The following TYW1 variants were observed in gnomAD, a reference collection of about 807,000 sequenced individuals.
TYW1 encodes the protein tRNA-yW synthesizing protein 1 homolog, also known as S-adenosyl-L-methionine-dependent tRNA 4-demethylwyosine synthase TYW1.
TYW1 carries 46 observed loss-of-function variants against 96.2 expected under a neutral mutation model. The ratio of observed to expected loss-of-function variants is 0.48; its 90% CI spans 0.38 to 0.61. TYW1 has a LOEUF of 0.61. Among genes scored for constraint, TYW1 ranks in the 20% least tolerant of loss-of-function variants. The pLI is 0.00. For synonymous variants in TYW1, 274 were observed against 323.0 expected (o/e 0.85, Z 1.63); for missense variants, 684 against 909.6 (o/e 0.75, Z 3.19).
At chr7:67,210,430 T>G (rs1800961338) in intron 15 of TYW1, among the ~76,000 whole-genome samples, 1 of 152,164 alleles carries the variant, frequency 6.6e-6, no homozygotes. Context: ...CACTGTCAAA[T>G]TACTGCATCT....
At chr7:67,097,435 G>A (rs536818913) in intron 11 of TYW1, among the ~76,000 whole-genome samples, 44 of 152,322 alleles carry the variant, frequency 2.9e-4, no homozygotes, top group African/African-American at 9.4e-4. Context: ...GTCTCACTCT[G>A]TTGCCCAGGC....
In TYW1 at chr7:67,211,186, G is replaced by A. The variant is rs974470542; in HGVS notation, c.1977+15849G>A. ...TGTGTGTGTGTGTGTGTGTGTGTGT[G>A]TGTGTTTTGAGCACTTTCTTTCTGG... On this transcript the variant is annotated intron_variant, in intron 15 of 15. Coordinates refer to ENST00000359626, the MANE Select transcript of TYW1 (RefSeq NM_018264.4). Among the ~76,000 whole-genome samples, 817 of 125,292 alleles carry A rather than the reference G, an allele frequency of 6.5e-3. 14 individuals are homozygous for A. The highest frequency in any genetic ancestry group is 0.024 in the African/African-American group (782 of 33,236). The allele number at this position is 125,292 out of a possible 152,430, so 82.2% of individuals were successfully genotyped here.
chr7:67,019,814 A>G (rs1399138879), intron 6 of TYW1, among the ~76,000 whole-genome samples: 1 of 152,290 alleles, frequency 6.6e-6, no homozygotes, highest in African/African-American at 2.4e-5. Context: ...ATTGCTTTAT[A>G]GCGATAATAT....
intron 15 of TYW1, among the ~76,000 whole-genome samples, chr7:67,220,068 G>A (rs1801334950): frequency 6.7e-6 from 1 of 149,976 alleles, no homozygotes; most frequent in African/African-American, 2.5e-5. Flanking sequence ...ATATGTGGTG[G>A]TTTCATTTTC....
chr7:67,237,947 T>G (rs899573875), intron 15 of TYW1, among the ~76,000 whole-genome samples: 3 of 152,014 alleles, frequency 2.0e-5, no homozygotes, highest in African/African-American at 7.3e-5. Context: ...CCTTGAAAAT[T>G]TGTAACCGAT....
chr7:67,011,975 A>C (rs1265520482), intron 4 of TYW1, among the ~76,000 whole-genome samples: 1 of 152,030 alleles, frequency 6.6e-6, no homozygotes. Flanking sequence ...GCAGCTACTC[A>C]GTTTTGCCAC....
intron 10 of TYW1, among the ~76,000 whole-genome samples, chr7:67,073,942 C>T (rs1414465805): frequency 6.7e-6 from 1 of 150,286 alleles, no homozygotes; most frequent in African/African-American, 2.4e-5. Flanking sequence ...ATTAGCCGGG[C>T]GTGGTGGCGG....
chr7:67,185,437 G>A (rs1457601146), intron 14 of TYW1, among the ~76,000 whole-genome samples: 2 of 151,998 alleles, frequency 1.3e-5, no homozygotes, highest in South Asian at 2.1e-4. Context: ...CCGGAGAGCC[G>A]TGGGTACATT....
intron 7 of TYW1, among the ~76,000 whole-genome samples, chr7:67,030,807 T>G (rs1261313495): frequency 6.6e-6 from 1 of 151,902 alleles, no homozygotes; most frequent in Non-Finnish European, 1.5e-5. Context: ...CAAAAAGACG[T>G]AGGAACCAAC....
chr7:67,163,312 A>T (rs1268291124), intron 13 of TYW1, among the ~76,000 whole-genome samples: 1 of 152,138 alleles, frequency 6.6e-6, no homozygotes, highest in African/African-American at 2.4e-5. Context: ...CTGCCATTAC[A>T]TGGTTACTTT....
At chr7:67,076,715 A>T (rs1796219000) in intron 10 of TYW1, among the ~76,000 whole-genome samples, 1 of 150,000 alleles carries the variant, frequency 6.7e-6, no homozygotes, top group African/African-American at 2.5e-5. Flanking sequence ...ACCTCAGGTG[A>T]TCCGCCTCCC....
intron 13 of TYW1, among the ~76,000 whole-genome samples, chr7:67,136,372 A>G (rs1470004638): frequency 6.6e-6 from 1 of 152,234 alleles, no homozygotes; most frequent in Admixed American, 6.5e-5. Context: ...GGGTTAGCGT[A>G]TGAAACTATT....
Position 67,187,339 on chromosome 7 carries a change from C to T in TYW1, c.1809+4103C>T, listed in dbSNP as rs1800061337. Among the ~76,000 whole-genome samples, 3 of 152,250 alleles carry T rather than the reference C, an allele frequency of 2.0e-5. No individual in the cohort carries two copies. In the South Asian group the frequency reaches 6.2e-4, roughly 32 times the overall value. On this transcript the variant is annotated intron_variant, in intron 14 of 15. Coordinates refer to ENST00000359626, the MANE Select transcript of TYW1 (RefSeq NM_018264.4). ...TTGGCCTCCCAAAGTGTTGGGATTA[C>T]AGGCGTGAGCCACCACGCCTGGCTT...
intron 9 of TYW1, among the ~76,000 whole-genome samples, chr7:67,063,881 G>A (rs565052213): frequency 3.3e-5 from 5 of 152,218 alleles, no homozygotes; most frequent in South Asian, 4.1e-4. Context: ...GATTACAGGC[G>A]TGAGCCACTG....
chr7:67,173,591 A>C (rs1464067334), intron 13 of TYW1, among the ~76,000 whole-genome samples: 1 of 150,432 alleles, frequency 6.6e-6, no homozygotes, highest in Non-Finnish European at 1.5e-5. Flanking sequence ...AGACCGTTTT[A>C]TTTCTTTCTT....
chr7:67,058,406 G>A (rs1176109139), intron 9 of TYW1, among the ~76,000 whole-genome samples: 1 of 152,204 alleles, frequency 6.6e-6, no homozygotes, highest in Non-Finnish European at 1.5e-5. Context: ...TCTTCAGGGG[G>A]TCATTGGCCG....
rs759205060 is a variant in TYW1, at chr7:67,191,879, CTGT to C, written c.1810-3283_1810-3281del. The stretch of plus-strand genomic sequence containing the variant: ...CTGCTTCCCTCAGAGGGTTTTGTTG[CTGT>C]TGTTGTTTGGTTTTTGTTTTGTTTT... On this transcript the variant is annotated intron_variant, in intron 14 of 15. Coordinates refer to ENST00000359626, the MANE Select transcript of TYW1 (RefSeq NM_018264.4). Among the ~76,000 whole-genome samples the C allele has an allele frequency of 8.0e-5, 12 of 150,142 alleles. No individual in the cohort carries two copies. In the South Asian group the frequency reaches 8.5e-4, roughly 11 times the overall value.
chr7:67,096,400 C>T (rs1350401190), intron 11 of TYW1, among the ~76,000 whole-genome samples: 1 of 151,894 alleles, frequency 6.6e-6, no homozygotes, highest in African/African-American at 2.4e-5. Flanking sequence ...AACAAACAAA[C>T]AAACAAACAA....
At chr7:67,075,425 A>G (rs1375028113) in intron 10 of TYW1, among the ~76,000 whole-genome samples, 2 of 152,232 alleles carry the variant, frequency 1.3e-5, no homozygotes, top group Non-Finnish European at 2.9e-5. Flanking sequence ...AAGATATACA[A>G]ATGACCAGTA....
Sources: gnomAD v4.1 joint callset for allele counts (sites outside exome capture counted in the v4.1 genomes callset) on GRCh38, gnomAD v4.1.1 for gene constraint, MANE v1.5 for transcripts, NCBI Gene and HGNC (gene_info 2026-07-23, HGNC 2026-07-21) for gene names.